Variants in MEGF6 observed in about 807,000 individuals in gnomAD.
MEGF6 encodes the protein multiple EGF like domains 6, also known as multiple epidermal growth factor-like domains protein 6.
MEGF6 carries 184 observed loss-of-function variants against 207.1 expected under a neutral mutation model. That is an observed-to-expected ratio of 0.89 (90% confidence interval 0.79 to 1.00). The LOEUF is 1.00. Among genes scored for constraint, MEGF6 ranks in the 50% least tolerant of loss-of-function variants. The pLI, the probability that MEGF6 is intolerant of heterozygous loss-of-function variation, is 0.00. For synonymous variants in MEGF6, 1,038 were observed against 910.0 expected (o/e 1.14, Z -2.53); for missense variants, 2,282 against 2,202.9 (o/e 1.04, Z -0.72).
intron 4 of MEGF6, chr1:3,531,375 G>T: frequency 1.7e-6 from 2 of 1,177,708 alleles, no homozygotes; most frequent in Non-Finnish European, 1.0e-6. Flanking sequence ...CCCAGCCCCG[G>T]GATCCGCTCC....
chr1:3,611,425 C>T lies in MEGF6; in HGVS notation c.-157G>A, dbSNP rs1022856705. On this transcript the variant is annotated 5_prime_UTR_variant, in exon 1 of 37. Transcript: ENST00000356575. ...CTGCAGGTGCGGAGCGTCCCGGCTTCCCGCCCGCGCCCAAAGTGGCACCGC... is the reference window on the plus strand; with the variant it reads ...CTGCAGGTGCGGAGCGTCCCGGCTTTCCGCCCGCGCCCAAAGTGGCACCGC... The T allele has an allele frequency of 4.7e-5, 50 of 1,068,226 alleles. No individual in the cohort carries two copies. In the Admixed American group the frequency reaches 9.4e-4, roughly 20 times the overall value. The allele number at this position is 1,068,226 out of a possible 1,614,324, so 66.2% of individuals were successfully genotyped here. A position where few individuals can be genotyped will look rare whatever the true frequency, so the allele number is the denominator to read the frequency against.
intron 4 of MEGF6, among the ~76,000 whole-genome samples, chr1:3,524,706 G>A (rs1641894870): frequency 1.3e-5 from 2 of 152,240 alleles, no homozygotes. Context: ...GGGCGTGCTG[G>A]CTTCAAGAGT....
At chr1:3,521,556 G>A (rs1471095477) in intron 5 of MEGF6, among the ~76,000 whole-genome samples, 2 of 152,168 alleles carry the variant, frequency 1.3e-5, no homozygotes, top group Admixed American at 6.5e-5. Flanking sequence ...AACAAGAAGC[G>A]GCTTGAGACG....
At chr1:3,545,381 G>T (rs879631013) in intron 4 of MEGF6, among the ~76,000 whole-genome samples, 2 of 152,130 alleles carry the variant, frequency 1.3e-5, no homozygotes, top group African/African-American at 2.4e-5. Context: ...ACAGGCAGCC[G>T]CAGGGGGGAA....
At chr1:3,617,785 G>A in the MEGF6 span, among the ~76,000 whole-genome samples, 1 of 152,246 alleles carries the variant, frequency 6.6e-6, no homozygotes, top group Non-Finnish European at 1.5e-5. Flanking sequence ...AAAGCAGAGG[G>A]AGATTTGAGA....
Position 3,494,707 on chromosome 1 carries a change from C to T in MEGF6, c.3906G>A (p.Glu1302=), listed in dbSNP as rs764296003. Residue 1302 remains glutamate (E), a synonymous_variant, in exon 31 of 37, where the codon GAG becomes GAA. Transcript: ENST00000356575. ...CPQNRFGVGC[E]HTCSCRNGGL... Reference sequence around the variant, plus strand: ...CCCCATTTCTGCAGGAGCAGGTGTGCTCGCAGCCCACGCCAAACCGGTTCT... The same window carrying T: ...CCCCATTTCTGCAGGAGCAGGTGTGTTCGCAGCCCACGCCAAACCGGTTCT... 6.3e-7 allele frequency: 1 copy of T among 1,587,512 alleles called. No homozygotes were observed. The highest frequency in any genetic ancestry group is 1.7e-5 in the Admixed American group (1 of 57,166).
At chr1:3,586,984 C>A (rs766560432) in intron 3 of MEGF6, among the ~76,000 whole-genome samples, 3 of 152,218 alleles carry the variant, frequency 2.0e-5, no homozygotes, top group Non-Finnish European at 4.4e-5. Context: ...TTCTGCCAAC[C>A]CCACCTGTGT....
intron 3 of MEGF6, among the ~76,000 whole-genome samples, chr1:3,588,651 C>T (rs903657269): frequency 1.3e-5 from 2 of 151,930 alleles, no homozygotes; most frequent in Non-Finnish European, 2.9e-5. Flanking sequence ...GCCCCAGAGT[C>T]GAGGGCCAGG....
At chr1:3,564,242 CAG>C (rs1422013910) in intron 4 of MEGF6, among the ~76,000 whole-genome samples, 4 of 151,456 alleles carry the variant, frequency 2.6e-5, no homozygotes, top group Non-Finnish European at 5.9e-5. Context: ...GGAGCTGAGT[CAG>C]GGGTGCAGGT....
At chr1:3,522,027 C>T (rs1641770155) in intron 5 of MEGF6, among the ~76,000 whole-genome samples, 1 of 152,232 alleles carries the variant, frequency 6.6e-6, no homozygotes, top group African/African-American at 2.4e-5. Flanking sequence ...ACTCTTGTTG[C>T]CAAAGCGAGG....
chr1:3,528,603 G>A (rs925126360), intron 4 of MEGF6, among the ~76,000 whole-genome samples: 1 of 152,194 alleles, frequency 6.6e-6, no homozygotes, highest in Non-Finnish European at 1.5e-5. Context: ...ATGATCACAG[G>A]GTCCTTATAA....
At chr1:3,495,436 A>C (rs946312739) in intron 30 of MEGF6, among the ~76,000 whole-genome samples, 2 of 152,174 alleles carry the variant, frequency 1.3e-5, no homozygotes, top group African/African-American at 4.8e-5. Flanking sequence ...CCCTGGGTCC[A>C]GCCCATCTCT....
At chr1:3,609,989 C>T (rs1327839425) in intron 1 of MEGF6, among the ~76,000 whole-genome samples, 2 of 152,238 alleles carry the variant, frequency 1.3e-5, no homozygotes, top group Non-Finnish European at 2.9e-5. Context: ...GGCTGAGCAG[C>T]GAAGGCCACT....
At chr1:3,508,898 C>A (rs575513423) in intron 12 of MEGF6, among the ~76,000 whole-genome samples, 177 bp downstream of exon 12, 1 of 152,308 alleles carries the variant, frequency 6.6e-6, no homozygotes, top group South Asian at 2.1e-4. Context: ...CGGCTCAGCC[C>A]GCACGAGCTG....
At chr1:3,559,335 C>T (rs1353609656) in intron 4 of MEGF6, among the ~76,000 whole-genome samples, 1 of 152,110 alleles carries the variant, frequency 6.6e-6, no homozygotes, top group African/African-American at 2.4e-5. Context: ...CCTCACACCA[C>T]TAGGAACCTC....
At chr1:3,502,450 C>T (rs1291956486) in intron 17 of MEGF6, among the ~76,000 whole-genome samples, 1 of 152,160 alleles carries the variant, frequency 6.6e-6, no homozygotes, top group African/African-American at 2.4e-5. Context: ...GGGAGCCCCT[C>T]CAGGGACTCG....
chr1:3,570,992 C>T (rs1643478752), intron 4 of MEGF6, among the ~76,000 whole-genome samples: 1 of 152,174 alleles, frequency 6.6e-6, no homozygotes, highest in Non-Finnish European at 1.5e-5. Flanking sequence ...CCCTCTGAGC[C>T]GGCTCAGCAC....
At chr1:3,505,911 T>C (rs1271778710) in intron 15 of MEGF6, among the ~76,000 whole-genome samples, 197 bp downstream of exon 15, 1 of 152,214 alleles carries the variant, frequency 6.6e-6, no homozygotes, top group Non-Finnish European at 1.5e-5. Context: ...ACGCCCTGGA[T>C]GCCAGCACAG....
At chr1:3,605,549 C>A (rs1644234660) in intron 1 of MEGF6, among the ~76,000 whole-genome samples, 1 of 25,072 alleles carries the variant, frequency 4.0e-5, no homozygotes, top group African/African-American at 6.1e-5. Flanking sequence ...CACACATATT[C>A]TCATACACTC....
Sources: gnomAD v4.1 joint callset for allele counts (sites outside exome capture counted in the v4.1 genomes callset) on GRCh38, gnomAD v4.1.1 for gene constraint, MANE v1.5 for transcripts, NCBI Gene and HGNC (gene_info 2026-07-23, HGNC 2026-07-21) for gene names.